PPM1H: variants seen among roughly 807,000 people sequenced by gnomAD.
PPM1H encodes protein phosphatase, Mg2+/Mn2+ dependent 1H.
Under a neutral mutation model 54.9 loss-of-function variants are expected in PPM1H, and 27 were observed. That is an observed-to-expected ratio of 0.49 (90% CI 0.36 to 0.68). The LOEUF is 0.68. Ranked by LOEUF, PPM1H falls within the 30% of genes least tolerant of loss-of-function variation. The pLI is 0.00. For missense variants in PPM1H, 596 were observed against 667.8 expected (o/e 0.89, Z 1.19); for synonymous variants, 305 against 270.8 (o/e 1.13, Z -1.24).
Position 62,878,133 on chromosome 12 carries a change from C to T in PPM1H, c.246-45854G>A, listed in dbSNP as rs560630080. ...CAGGATGGTCTGGATCTCCTGACCT[C>T]GTGATCCACCCACCTCGGCCTCCCA... On this transcript the variant is annotated intron_variant, in intron 1 of 9. Transcript: ENST00000228705. Among the ~76,000 whole-genome samples, 20 of 152,232 alleles carry T rather than the reference C, an allele frequency of 1.3e-4. 1 individual carries two copies. The highest frequency in any genetic ancestry group is 4.3e-4 in the African/African-American group (18 of 41,562).
At chr12:62,819,598 T>A (rs2076889809) in intron 2 of PPM1H, among the ~76,000 whole-genome samples, 1 of 152,244 alleles carries the variant, frequency 6.6e-6, no homozygotes, top group South Asian at 2.1e-4. Context: ...TTCTTCAGGC[T>A]AAAATACTAC....
chr12:62,672,244 T>A (rs1027247661), intron 8 of PPM1H, among the ~76,000 whole-genome samples: 14 of 152,210 alleles, frequency 9.2e-5, no homozygotes, highest in Non-Finnish European at 1.9e-4. Flanking sequence ...AGAATACTAT[T>A]GCTTTTGCGA....
At chr12:62,740,331 C>G (rs1333675624) in intron 4 of PPM1H, among the ~76,000 whole-genome samples, 3 of 152,174 alleles carry the variant, frequency 2.0e-5, no homozygotes, top group Non-Finnish European at 1.5e-5. Flanking sequence ...TCATTCTGAT[C>G]TCCCAGGCAG....
In PPM1H at chr12:62,738,365, A is replaced by T. The variant is rs115837339; in HGVS notation, c.870-779T>A. On this transcript the variant is annotated intron_variant, in intron 4 of 9. Transcript: ENST00000228705. ...AGGGTGATATCCTGGGTCCAGGGGGAAAAAAAAAACCAAAACCACTCATCT... is the reference window on the plus strand; with the variant it reads ...AGGGTGATATCCTGGGTCCAGGGGGTAAAAAAAAACCAAAACCACTCATCT... Among the ~76,000 whole-genome samples the T allele has an allele frequency of 4.1e-3, 608 of 149,146 alleles. 5 individuals carry two copies. The highest frequency in any genetic ancestry group is 0.014 in the African/African-American group (572 of 40,648).
At chr12:62,707,770 G>GT (rs932405110) in intron 6 of PPM1H, among the ~76,000 whole-genome samples, 13 of 152,244 alleles carry the variant, frequency 8.5e-5, no homozygotes, top group East Asian at 1.9e-4. Flanking sequence ...GGTTGGCACT[G>GT]TTTTTTTCTG....
intron 8 of PPM1H, among the ~76,000 whole-genome samples, chr12:62,680,856 T>C (rs459938): frequency 6.6e-6 from 1 of 152,182 alleles, no homozygotes; most frequent in South Asian, 2.1e-4. Flanking sequence ...ATAACTCTTG[T>C]ATGCCCTCTA....
chr12:62,787,761 T>G (rs990263591), intron 4 of PPM1H, among the ~76,000 whole-genome samples: 1 of 152,228 alleles, frequency 6.6e-6, no homozygotes, highest in Admixed American at 6.5e-5. Flanking sequence ...TTTCCTTCAG[T>G]TGAACCCGGA....
chr12:62,716,617 C>G (rs1332609579), intron 6 of PPM1H, among the ~76,000 whole-genome samples: 1 of 152,210 alleles, frequency 6.6e-6, no homozygotes, highest in Admixed American at 6.5e-5. Context: ...GTCTCAACCT[C>G]CCAGGCCCAA....
intron 9 of PPM1H, among the ~76,000 whole-genome samples, chr12:62,665,342 C>T (rs1458715636): frequency 2.6e-5 from 4 of 152,198 alleles, no homozygotes; most frequent in African/African-American, 9.7e-5. Context: ...AGCCACAGCA[C>T]TCGGCTTTTC....
chr12:62,853,498 A>G (rs1869269672), intron 1 of PPM1H, among the ~76,000 whole-genome samples: 1 of 152,194 alleles, frequency 6.6e-6, no homozygotes, highest in Admixed American at 6.5e-5. Context: ...AGAAAATATC[A>G]AGAATGGGAG....
At chr12:62,825,289 T>C (rs1565800532) in intron 2 of PPM1H, among the ~76,000 whole-genome samples, 1 of 152,004 alleles carries the variant, frequency 6.6e-6, no homozygotes, top group African/African-American at 2.4e-5. Flanking sequence ...CTGTTGGGAG[T>C]GTAAACTAGT....
chr12:62,884,299 C>T (rs1008395025), intron 1 of PPM1H, among the ~76,000 whole-genome samples: 87 of 148,328 alleles, frequency 5.9e-4, no homozygotes, highest in African/African-American at 6.4e-4. Context: ...CCAGCCTGGC[C>T]GACATGGTGA....
intron 4 of PPM1H, among the ~76,000 whole-genome samples, chr12:62,774,431 T>A (rs568089023): frequency 1.1e-4 from 16 of 152,280 alleles, no homozygotes; most frequent in African/African-American, 3.6e-4. Flanking sequence ...AGCCTCAGCC[T>A]CCTGGGCTCA....
At position 62,646,779 on chromosome 12, in the gene PPM1H, A is replaced by ATGAGT. The variant is rs1368359561; in HGVS notation, c.*1705_*1709dup. ...GACGGCACTGTCTCCACACCCTGGA[A>ATGAGT]TGAGTTCTTTCCTGAGCAGGAGGGG... is the stretch of plus-strand genomic sequence containing the variant. On this transcript the variant is annotated 3_prime_UTR_variant, in exon 10 of 10. Coordinates refer to ENST00000228705, the MANE Select transcript of PPM1H (RefSeq NM_020700.2). The ATGAGT allele has an allele frequency of 6.6e-6, 1 of 152,244 alleles. No individual in the cohort carries two copies. Among genetic ancestry groups the ATGAGT allele is most frequent in the Non-Finnish European group, 1.5e-5 (1 of 68,070 alleles). 9.4% of individuals were successfully genotyped at this position (152,244 alleles called of 1,614,324 possible).
rs187371251 is a variant in PPM1H at position 62,733,787 on chromosome 12, T to C, written c.954+3715A>G. Among the ~76,000 whole-genome samples the C allele has an allele frequency of 8.7e-4, 132 of 152,322 alleles. 2 individuals are homozygous for C. The highest frequency in any genetic ancestry group is 8.2e-3 in the Admixed American group (126 of 15,302). ...AAGGATATGGGCAGCATTTTCACCTTTTAAAAATTCAGACATTAGGTTCGG... is the reference window on the plus strand; with the variant it reads ...AAGGATATGGGCAGCATTTTCACCTCTTAAAAATTCAGACATTAGGTTCGG... On this transcript the variant is annotated intron_variant, in intron 5 of 9. Coordinates refer to ENST00000228705, the MANE Select transcript of PPM1H (RefSeq NM_020700.2).
intron 1 of PPM1H, among the ~76,000 whole-genome samples, chr12:62,897,451 C>T (rs1291308409): frequency 6.6e-6 from 1 of 152,106 alleles, no homozygotes; most frequent in African/African-American, 2.4e-5. Context: ...CTTTAAGACA[C>T]ACCACTTAAT....
At chr12:62,771,211 C>A (rs1433256004) in intron 4 of PPM1H, among the ~76,000 whole-genome samples, 1 of 149,770 alleles carries the variant, frequency 6.7e-6, no homozygotes, top group Non-Finnish European at 1.5e-5. Context: ...AAAAAAAAAT[C>A]ACAAAATTCG....
intron 2 of PPM1H, among the ~76,000 whole-genome samples, chr12:62,812,048 C>T (rs12371724): frequency 0.066 from 9,976 of 152,296 alleles, 443 homozygotes; most frequent in Middle Eastern, 0.12. Flanking sequence ...GTTCTTCAGA[C>T]TCCAAGTTAA....
chr12:62,823,483 G>A (rs565476319), intron 2 of PPM1H, among the ~76,000 whole-genome samples: 3 of 152,158 alleles, frequency 2.0e-5, no homozygotes, highest in East Asian at 1.9e-4. Context: ...GATGAACATC[G>A]ATGCAAAAAT....
Sources: allele counts gnomAD v4.1 joint callset (sites outside exome capture counted in the v4.1 genomes callset), GRCh38; gene constraint gnomAD v4.1.1; transcripts MANE v1.5; gene names NCBI Gene and HGNC (gene_info 2026-07-23, HGNC 2026-07-21).